Variants in CNNM2 observed in about 807,000 individuals in gnomAD.
CNNM2 encodes metal transporter CNNM2.
CNNM2 carries 12 observed loss-of-function variants against 66.9 expected under a neutral mutation model. The observed-to-expected ratio is 0.18, with a 90% CI of 0.11 to 0.29. The LOEUF (loss-of-function observed/expected upper bound fraction) is 0.29, where lower values mean the gene tolerates loss of function less well. Among genes scored for constraint, CNNM2 ranks in the 10% least tolerant of loss-of-function variants. The probability of loss-of-function intolerance (pLI) is 1.00; values close to 1 mark genes in which losing one functional copy is unlikely to be tolerated. For missense variants in CNNM2, 705 were observed against 1,167.7 expected (o/e 0.60, Z 5.77); for synonymous variants, 557 against 501.8 (o/e 1.11, Z -1.47).
chr10:103,019,994 C>A (rs1335747397), intron 1 of CNNM2, among the ~76,000 whole-genome samples: 3 of 152,012 alleles, frequency 2.0e-5, no homozygotes, highest in Non-Finnish European at 4.4e-5. Flanking sequence ...CAAATTACTC[C>A]CCCATGGATT....
rs1201182150 is a variant in CNNM2 at position 102,971,534 on chromosome 10, C to T, written c.1621+51433C>T. 2.0e-5 allele frequency among the ~76,000 whole-genome samples: 3 copies of T among 152,160 alleles called. No individual in the cohort carries two copies. In the East Asian group the frequency reaches 5.8e-4, roughly 29 times the overall value. On this transcript the variant is annotated intron_variant, in intron 1 of 7. Coordinates refer to ENST00000369878, the MANE Select transcript of CNNM2 (RefSeq NM_017649.5). ...ATTTCCTTTTATACCTTTTTCTATG[C>T]AGATATAAACATAGCCAGTTGGGTT...
intron 1 of CNNM2, among the ~76,000 whole-genome samples, chr10:103,037,814 C>CA (rs1446018035): frequency 2.0e-5 from 3 of 152,090 alleles, no homozygotes; most frequent in Non-Finnish European, 4.4e-5. Flanking sequence ...TATAGTGTGT[C>CA]AGGCAGGTAT....
chr10:102,921,324 T>G (rs953721644), intron 1 of CNNM2, among the ~76,000 whole-genome samples: 1 of 152,192 alleles, frequency 6.6e-6, no homozygotes, highest in Non-Finnish European at 1.5e-5. Context: ...CTGGTAGTAG[T>G]CTCTCCTCTG....
chr10:102,954,328 T>TG (rs1308137860), intron 1 of CNNM2, among the ~76,000 whole-genome samples: 1 of 151,696 alleles, frequency 6.6e-6, no homozygotes, highest in Non-Finnish European at 1.5e-5. Context: ...CTATGTGGCT[T>TG]GGGCTGTATC....
Position 102,918,908 on chromosome 10 carries a change from C to A in CNNM2, c.428C>A (p.Pro143Gln). 1 of 1,611,502 alleles carries A rather than the reference C, an allele frequency of 6.2e-7. No individual in the cohort carries two copies. Among genetic ancestry groups the A allele is most frequent in the Non-Finnish European group, 8.5e-7 (1 of 1,179,070 alleles). ...CTGGGGGGCCCCGCGCCGCCAGAGC[C>A]GGACAGCGGCCCCCAGCGATGCGGC... The part of the protein sequence containing the change: ...RGLGGPAPPE[P>Q]DSGPQRCGIR... Residue 143 changes from proline (P) to glutamine (Q), a missense_variant, in exon 1 of 8, where the codon CCG (proline) becomes CAG (glutamine). Physicochemically the swap from Pro to Gln is moderately conservative, Grantham distance 76. Transcript: ENST00000369878. The surrounding 1 kb of genome is among the most constrained non-coding windows in gnomAD (Gnocchi z 4.1).
intron 1 of CNNM2, among the ~76,000 whole-genome samples, chr10:103,047,384 A>T (rs2065144345): frequency 6.6e-6 from 1 of 152,242 alleles, no homozygotes; most frequent in African/African-American, 2.4e-5. Context: ...ACTGTCACAG[A>T]CCAGAGGAGA....
In CNNM2 at chr10:103,031,838, C is replaced by G. The variant is rs4917993; in HGVS notation, c.1622-17869C>G. Among the ~76,000 whole-genome samples, 13,189 of 142,688 alleles carry G rather than the reference C, an allele frequency of 0.092. 683 individuals are homozygous for G. Among genetic ancestry groups the G allele is most frequent in the Middle Eastern group, 0.19 (54 of 282 alleles). The allele number at this position is 142,688 out of a possible 152,430, so 93.6% of individuals were successfully genotyped here. ...GAACTGTCTGCTTAAGTACAAAATGCGGGGGGGGCGTGAGGGGATTTATCC... is the reference window on the plus strand; with the variant it reads ...GAACTGTCTGCTTAAGTACAAAATGGGGGGGGGGCGTGAGGGGATTTATCC... On this transcript the variant is annotated intron_variant, in intron 1 of 7. Coordinates refer to ENST00000369878, the MANE Select transcript of CNNM2 (RefSeq NM_017649.5).
intron 1 of CNNM2, among the ~76,000 whole-genome samples, chr10:102,934,121 G>C (rs1590270778): frequency 6.6e-6 from 1 of 151,538 alleles, no homozygotes; most frequent in East Asian, 1.9e-4. Context: ...TGGGATTACG[G>C]ATGAGTCACC....
At chr10:103,039,080 C>T (rs1308358739) in intron 1 of CNNM2, among the ~76,000 whole-genome samples, 3 of 151,678 alleles carry the variant, frequency 2.0e-5, no homozygotes, top group Non-Finnish European at 4.4e-5. Context: ...TGATAGTTTC[C>T]TAAATGAAAT....
intron 1 of CNNM2, among the ~76,000 whole-genome samples, chr10:103,030,937 A>C (rs1311892422): frequency 2.6e-5 from 4 of 152,162 alleles, no homozygotes; most frequent in Admixed American, 6.5e-5. Flanking sequence ...TGTTGAACTT[A>C]AGATGCTTAT....
chr10:102,930,620 A>G (rs1440619286), intron 1 of CNNM2, among the ~76,000 whole-genome samples: 1 of 152,216 alleles, frequency 6.6e-6, no homozygotes, highest in Non-Finnish European at 1.5e-5. Flanking sequence ...TGGTATGTTC[A>G]CAAGGTTGTG....
At chr10:102,984,791 C>T (rs1206944045) in intron 1 of CNNM2, among the ~76,000 whole-genome samples, 6 of 152,016 alleles carry the variant, frequency 3.9e-5, no homozygotes, top group Non-Finnish European at 5.9e-5. Flanking sequence ...GGACTACAGG[C>T]GCCTGTCACT....
At chr10:102,940,753 G>C (rs1056515237) in intron 1 of CNNM2, among the ~76,000 whole-genome samples, 3 of 145,074 alleles carry the variant, frequency 2.1e-5, no homozygotes, top group Admixed American at 1.4e-4. Flanking sequence ...ATGGAGTCTC[G>C]TTCTGTCACC....
intron 2 of CNNM2, among the ~76,000 whole-genome samples, chr10:103,052,352 A>G (rs920308152): frequency 6.6e-6 from 1 of 151,202 alleles, no homozygotes; most frequent in Admixed American, 6.6e-5. Context: ...GGTAGTACTT[A>G]CCATTAGGAA....
chr10:103,055,369 C>G (rs750503595), intron 3 of CNNM2, among the ~76,000 whole-genome samples: 8 of 152,202 alleles, frequency 5.3e-5, no homozygotes, highest in Non-Finnish European at 1.0e-4. Flanking sequence ...TCTTTAAGGT[C>G]GTGTTCTCAG....
intron 1 of CNNM2, among the ~76,000 whole-genome samples, chr10:103,023,063 C>T (rs540162535): frequency 5.3e-5 from 8 of 152,006 alleles, no homozygotes; most frequent in East Asian, 1.9e-4. Flanking sequence ...CCACCACACT[C>T]GGCTAATTTT....
At chr10:102,936,654 T>C (rs1846252689) in intron 1 of CNNM2, among the ~76,000 whole-genome samples, 1 of 152,118 alleles carries the variant, frequency 6.6e-6, no homozygotes, top group African/African-American at 2.4e-5. Flanking sequence ...TTAGTTTTGC[T>C]CTTTTATGTT....
Position 102,919,323 on chromosome 10 carries a change from C to T in CNNM2, c.843C>T (p.Ala281=). The part of the protein sequence containing the change: ...MFSGLNLGLM[A]LDPMELRIVQ... Reference sequence around the variant, plus strand: ...GCGGCCTCAACCTGGGGCTCATGGCCCTGGACCCGATGGAGCTGCGCATCG... The same window carrying T: ...GCGGCCTCAACCTGGGGCTCATGGCTCTGGACCCGATGGAGCTGCGCATCG... Residue 281 remains alanine (A), a synonymous_variant, in exon 1 of 8, where the codon GCC becomes GCT. Coordinates refer to ENST00000369878, the MANE Select transcript of CNNM2 (RefSeq NM_017649.5). The T allele has an allele frequency of 6.2e-7, 1 of 1,613,738 alleles. No homozygotes were observed. Among genetic ancestry groups the T allele is most frequent in the South Asian group, 1.1e-5 (1 of 91,090 alleles).
At chr10:103,050,873 G>A (rs1181086902) in intron 2 of CNNM2, among the ~76,000 whole-genome samples, 1 of 152,136 alleles carries the variant, frequency 6.6e-6, no homozygotes, top group Non-Finnish European at 1.5e-5. Flanking sequence ...TCTCATTAAA[G>A]TGTAAAATAT....
Sources: allele counts gnomAD v4.1 joint callset (sites outside exome capture counted in the v4.1 genomes callset), GRCh38; gene constraint gnomAD v4.1.1; non-coding constraint Gnocchi (gnomAD v3.1); transcripts MANE v1.5; gene names NCBI Gene and HGNC (gene_info 2026-07-23, HGNC 2026-07-21).